CFAP100: variants seen among roughly 807,000 people sequenced by gnomAD.
CFAP100 encodes the protein cilia- and flagella-associated protein 100.
Under a neutral mutation model 81.5 loss-of-function variants are expected in CFAP100, and 70 were observed. The ratio of observed to expected loss-of-function variants is 0.86; its 90% CI spans 0.71 to 1.05. CFAP100 has a LOEUF of 1.05. Ranked by LOEUF, CFAP100 falls within the 50% of genes least tolerant of loss-of-function variation. CFAP100 has a pLI of 0.00. For missense variants in CFAP100, 811 were observed against 776.5 expected, an observed-to-expected ratio of 1.04 and a Z score of -0.53; for synonymous variants, 341 against 314.8, an observed-to-expected ratio of 1.08 and a Z score of -0.88.
At chr3:126,406,085 G>A (rs1304059178) in intron 2 of CFAP100, among the ~76,000 whole-genome samples, 1 of 152,122 alleles carries the variant, frequency 6.6e-6, no homozygotes, top group Non-Finnish European at 1.5e-5. Context: ...GATAGTTAGA[G>A]GACAATCATG....
chr3:126,420,461 G>C lies in CFAP100; in HGVS notation c.1082+232G>C, dbSNP rs77717696. Reference sequence around the variant, plus strand: ...CCCATGGGAATTAAGGTTGAGGCGGGTGAGCAGGTGTAAGGCTGATTTGTT... The same window carrying C: ...CCCATGGGAATTAAGGTTGAGGCGGCTGAGCAGGTGTAAGGCTGATTTGTT... On this transcript the variant is annotated intron_variant, in intron 11 of 16. Transcript: ENST00000352312. Among the ~76,000 whole-genome samples, 1,168 of 152,376 alleles carry C rather than the reference G, an allele frequency of 7.7e-3. 12 individuals are homozygous for C. The highest frequency in any genetic ancestry group is 0.026 in the African/African-American group (1,071 of 41,598).
intron 14 of CFAP100, 151 bp downstream of exon 14, chr3:126,433,355 C>A: frequency 1.1e-6 from 1 of 880,216 alleles, no homozygotes; most frequent in Non-Finnish European, 1.8e-6. Flanking sequence ...CTCCAGGAGC[C>A]ACCACATGTA....
rs374035153 is a variant in CFAP100 at position 126,416,471 on chromosome 3, C to T, written c.381C>T (p.Phe127=). 8.1e-6 allele frequency: 13 copies of T among 1,607,590 alleles called. No individual in the cohort carries two copies. The highest frequency in any genetic ancestry group is 1.0e-5 in the Non-Finnish European group (12 of 1,177,156). The change falls in exon 5 of 17, where the codon TTC becomes TTT. Residue 127 remains phenylalanine, a synonymous_variant. Coordinates refer to ENST00000352312, the MANE Select transcript of CFAP100 (RefSeq NM_182628.3). ...ARAEAEHQRA[F]RDYTTWKLTL... Reference sequence around the variant, plus strand: ...CCGAGGCCGAGCATCAGCGCGCCTTCCGCGACTACACGACCTGGAAGCTCA... The same window carrying T: ...CCGAGGCCGAGCATCAGCGCGCCTTTCGCGACTACACGACCTGGAAGCTCA...
intron 5 of CFAP100, among the ~76,000 whole-genome samples, chr3:126,417,092 G>T (rs1262729229): frequency 6.6e-6 from 1 of 152,216 alleles, no homozygotes; most frequent in Non-Finnish European, 1.5e-5. Context: ...GCACAGCGTA[G>T]AAGTGGGCGG....
chr3:126,404,389 T>C (rs184956035), intron 2 of CFAP100, among the ~76,000 whole-genome samples: 156 of 152,276 alleles, frequency 1.0e-3, no homozygotes, highest in South Asian at 1.9e-3. Context: ...AAGTTTGAGA[T>C]TGTTTATCTA....
intron 2 of CFAP100, among the ~76,000 whole-genome samples, chr3:126,397,312 C>A (rs770582366): frequency 6.6e-5 from 10 of 152,180 alleles, no homozygotes; most frequent in Non-Finnish European, 1.5e-4. Context: ...CAGTGACCCC[C>A]ACCATTACAC....
chr3:126,411,361 G>GTTTTTTTTTTTTTTTTTTTGTT (rs2083150903), intron 3 of CFAP100, among the ~76,000 whole-genome samples: 1 of 35,366 alleles, frequency 2.8e-5, no homozygotes, highest in Non-Finnish European at 4.6e-5. Context: ...GTTGTTGTTG[G>GTTTTTTTTTTTTTTTTTTTGTT]TTTTTTTTTT....
chr3:126,401,191 G>A (rs755537567), intron 2 of CFAP100, among the ~76,000 whole-genome samples: 2 of 151,740 alleles, frequency 1.3e-5, no homozygotes, highest in Non-Finnish European at 2.9e-5. Flanking sequence ...GGGGAGGATG[G>A]GGAGTTGTTT....
intron 2 of CFAP100, among the ~76,000 whole-genome samples, chr3:126,405,896 T>G (rs926915645): frequency 2.6e-5 from 4 of 151,904 alleles, no homozygotes; most frequent in Non-Finnish European, 4.4e-5. Context: ...CAAAGGATCC[T>G]CCCCCCTCAG....
chr3:126,401,864 AGCCATGC>A (rs978381105), intron 2 of CFAP100, among the ~76,000 whole-genome samples: 12 of 152,108 alleles, frequency 7.9e-5, no homozygotes, highest in African/African-American at 1.2e-4. Flanking sequence ...ACACCCTGCC[AGCCATGC>A]TGGCCCCAGT....
chr3:126,420,036 C>A lies in CFAP100; in HGVS notation c.955+15C>A, dbSNP rs1393166822. 1.2e-6 allele frequency: 2 copies of A among 1,613,254 alleles called. No homozygotes were observed. Among genetic ancestry groups the A allele is most frequent in the South Asian group, 2.2e-5 (2 of 91,082 alleles). On this transcript the variant is annotated intron_variant, in intron 10 of 16. Coordinates refer to ENST00000352312, the MANE Select transcript of CFAP100 (RefSeq NM_182628.3). The stretch of plus-strand genomic sequence containing the variant: ...GTGGGCCAAAGGTGAGCTGCCGCCC[C>A]CAGCCTGAGGAGGAGCCTGGCTCTG...
At chr3:126,419,569 G>T in intron 8 of CFAP100, 68 bp from the exon 9 acceptor site, 1 of 1,464,452 alleles carries the variant, frequency 6.8e-7, no homozygotes, top group Non-Finnish European at 9.4e-7. Flanking sequence ...GGTGGCCCCG[G>T]CATGGGGACC....
At chr3:126,418,903 C>G in intron 7 of CFAP100, 129 bp downstream of exon 7, 1 of 1,244,532 alleles carries the variant, frequency 8.0e-7, no homozygotes. Context: ...CAGGGCCGGT[C>G]GGGAGCCAAG....
intron 13 of CFAP100, among the ~76,000 whole-genome samples, chr3:126,429,095 T>C (rs1933075098): frequency 8.3e-6 from 1 of 121,196 alleles, no homozygotes; most frequent in Non-Finnish European, 1.6e-5. Flanking sequence ...GGTGATAGAG[T>C]GCGTCTCCAT....
rs2083303229 is a variant in CFAP100 at position 126,420,000 on chromosome 3, G to A, written c.934G>A (p.Ala312Thr). Residue 312 changes from alanine (A) to threonine (T), a missense_variant, in exon 10 of 17, where the codon GCG becomes ACG. Transcript: ENST00000352312. ...GDKGPGIKGK[A>T]SSMWAKEGQG... is the part of the protein sequence containing the mutation. Reference sequence around the variant, plus strand: ...TGCAGGACCAGGGATCAAGGGCAAGGCGAGCTCCATGTGGGCCAAAGGTGA... The same window carrying A: ...TGCAGGACCAGGGATCAAGGGCAAGACGAGCTCCATGTGGGCCAAAGGTGA... 1.9e-6 allele frequency: 3 copies of A among 1,613,050 alleles called. No individual in the cohort carries two copies. The highest frequency in any genetic ancestry group is 1.1e-5 in the South Asian group (1 of 91,094).
In CFAP100 at chr3:126,419,804, C is replaced by T. The variant is rs2083299555; in HGVS notation, c.899C>T (p.Thr300Ile). 3 of 1,613,716 alleles carry T rather than the reference C, an allele frequency of 1.9e-6. No individual in the cohort carries two copies. The highest frequency in any genetic ancestry group is 1.7e-5 in the Admixed American group (1 of 60,006). The change falls in exon 9 of 17, where the codon ACA (threonine) becomes ATA (isoleucine). Residue 300 changes from threonine (T) to isoleucine (I), a missense_variant. Coordinates refer to ENST00000352312, the MANE Select transcript of CFAP100 (RefSeq NM_182628.3). ...TCCAAAGAGAGCAGTGTTAACTCCA[C>T]ACCAGGGGACAAAGGTAGCAGAAAA... ...EASKESSVNS[T>I]PGDKGPGIKG...
chr3:126,407,229 A>T lies in CFAP100; in HGVS notation c.107A>T (p.Lys36Met). ...TCTTCAAGCACTGAAGAGAACCCAAAGAAACAGGCAAGAAAAAACGAAGGT... is the reference window on the plus strand; with the variant it reads ...TCTTCAAGCACTGAAGAGAACCCAATGAAACAGGCAAGAAAAAACGAAGGT... The part of the protein sequence containing the change: ...SSSSSTEENP[K>M]KQARKNEEHG... Residue 36 changes from lysine to methionine, a missense_variant, in exon 3 of 17, where the codon AAG becomes ATG. By Grantham distance (95) the Lys-to-Met change is moderately conservative. Coordinates refer to ENST00000352312, the MANE Select transcript of CFAP100 (RefSeq NM_182628.3). The T allele has an allele frequency of 6.2e-7, 1 of 1,613,904 alleles. No individual in the cohort carries two copies. The highest frequency in any genetic ancestry group is 8.5e-7 in the Non-Finnish European group (1 of 1,179,860).
At position 126,435,650 on chromosome 3, in the gene CFAP100, A is replaced by T; in HGVS notation, c.1720A>T (p.Lys574Ter). 1 of 1,610,228 alleles carries T rather than the reference A, an allele frequency of 6.2e-7. No individual in the cohort carries two copies. Among genetic ancestry groups the T allele is most frequent in the Non-Finnish European group, 8.5e-7 (1 of 1,177,386 alleles). Residue 574 changes from lysine to a stop codon, truncating the protein, a stop_gained and splice_region_variant, in exon 16 of 17, where the codon AAG becomes TAG. Coordinates refer to ENST00000352312, the MANE Select transcript of CFAP100 (RefSeq NM_182628.3). LOFTEE classifies it low-confidence loss of function (END_TRUNC). The stretch of plus-strand genomic sequence containing the variant: ...GCGCGCCCAGGCTGAGATCAAGAAG[A>T]AGGTAGGCAGGGTCGCCTTGGGGGG... ...RARAQAEIKKKRGRTLVCRSR... is the reference protein window; with the variant it reads ...RARAQAEIKK
intron 3 of CFAP100, among the ~76,000 whole-genome samples, chr3:126,413,205 G>T (rs2083184115): frequency 6.6e-6 from 1 of 152,146 alleles, no homozygotes; most frequent in Non-Finnish European, 1.5e-5. Flanking sequence ...TTGTGTCCCA[G>T]TGTCTGCCAC....
Sources: gnomAD v4.1 joint callset for allele counts (sites outside exome capture counted in the v4.1 genomes callset) on GRCh38, gnomAD v4.1.1 for gene constraint, MANE v1.5 for transcripts, NCBI Gene and HGNC (gene_info 2026-07-23, HGNC 2026-07-21) for gene names.